Variants in KCNH5 observed in about 807,000 individuals in gnomAD.
The protein encoded by KCNH5 is voltage-gated delayed rectifier potassium channel KCNH5.
KCNH5 carries 46 observed loss-of-function variants against 96.1 expected under a neutral mutation model. The ratio of observed to expected loss-of-function variants is 0.48; its 90% CI spans 0.38 to 0.61. KCNH5 has a LOEUF of 0.61. KCNH5 is among the 20% of genes least tolerant of loss of function. The pLI is 0.00. For synonymous variants in KCNH5, 439 were observed against 449.8 expected, an observed-to-expected ratio of 0.98 and a Z score of 0.30; for missense variants, 907 against 1,225.8, an observed-to-expected ratio of 0.74 and a Z score of 3.88.
intron 10 of KCNH5, among the ~76,000 whole-genome samples, chr14:62,735,035 C>T (rs573304331): frequency 6.6e-6 from 1 of 152,088 alleles, no homozygotes; most frequent in African/African-American, 2.4e-5. Flanking sequence ...TTGGAGCAGG[C>T]AAGCCTAGAT....
chr14:63,005,709 T>G (rs1477224168), intron 3 of KCNH5, among the ~76,000 whole-genome samples: 2 of 152,216 alleles, frequency 1.3e-5, no homozygotes, highest in African/African-American at 4.8e-5. Context: ...TTTTGTCATG[T>G]TGGTTTTTTT....
chr14:63,019,479 G>A (rs1891386970), intron 1 of KCNH5, among the ~76,000 whole-genome samples: 1 of 152,044 alleles, frequency 6.6e-6, no homozygotes, highest in Non-Finnish European at 1.5e-5. Context: ...GTGTGGAAAT[G>A]GAGTAAGGAC....
chr14:62,831,641 T>G (rs1029838040), intron 8 of KCNH5, among the ~76,000 whole-genome samples: 2 of 152,208 alleles, frequency 1.3e-5, no homozygotes, highest in Admixed American at 1.3e-4. Context: ...TTTTGTATAT[T>G]TCAATATGTT....
At chr14:63,029,216 A>G (rs1045296436) in intron 1 of KCNH5, among the ~76,000 whole-genome samples, 2 of 152,138 alleles carry the variant, frequency 1.3e-5, no homozygotes, top group Admixed American at 6.6e-5. Flanking sequence ...ATCAAGTGGT[A>G]AACATTTCTA....
chr14:62,744,186 T>G (rs1319864655), intron 10 of KCNH5, among the ~76,000 whole-genome samples: 1 of 152,202 alleles, frequency 6.6e-6, no homozygotes, highest in African/African-American at 2.4e-5. Flanking sequence ...GTATTATATA[T>G]AAGAGAAAAA....
intron 7 of KCNH5, among the ~76,000 whole-genome samples, chr14:62,884,056 T>C (rs897742370): frequency 6.6e-6 from 1 of 152,202 alleles, no homozygotes; most frequent in Non-Finnish European, 1.5e-5. Context: ...GCCACAGCCC[T>C]TCTTGCCTCT....
At chr14:62,865,765 C>T (rs780561199) in intron 7 of KCNH5, among the ~76,000 whole-genome samples, 24 of 152,130 alleles carry the variant, frequency 1.6e-4, no homozygotes, top group Admixed American at 6.6e-4. Context: ...AACATATTTT[C>T]GAGGAATTGT....
At position 62,846,789 on chromosome 14, in the gene KCNH5, C is replaced by CTTTTTTTTTTTTTTTTTTTT. The variant is rs766919022; in HGVS notation, c.1569+2844_1569+2863dup. Among the ~76,000 whole-genome samples, 3 of 67,464 alleles carry CTTTTTTTTTTTTTTTTTTTT rather than the reference C, an allele frequency of 4.4e-5. 1 individual carries two copies. Among genetic ancestry groups the CTTTTTTTTTTTTTTTTTTTT allele is most frequent in the African/African-American group, 1.3e-4 (2 of 15,042 alleles). 44.3% of individuals were successfully genotyped at this position (67,464 alleles called of 152,430 possible). On this transcript the variant is annotated intron_variant, in intron 8 of 10. Transcript: ENST00000322893. ...ATTGTATTGTATTATTGTATTGTAT[C>CTTTTTTTTTTTTTTTTTTTT]TTTTTTTTTTTTTTTTTTTTTTTTT...
rs150035067 is a variant in KCNH5, at chr14:62,990,423, C to G, written c.434-3236G>C. ...AATTTACACATGAAGTCAGTGTGAT[C>G]AAGGAATATTTCATCTCTTTTCTTT... On this transcript the variant is annotated intron_variant, in intron 4 of 10. Coordinates refer to ENST00000322893, the MANE Select transcript of KCNH5 (RefSeq NM_139318.5). Among the ~76,000 whole-genome samples the G allele has an allele frequency of 5.2e-3, 792 of 152,050 alleles. 5 individuals are homozygous for G. Among genetic ancestry groups the G allele is most frequent in the Admixed American group, 8.0e-3 (122 of 15,242 alleles).
chr14:62,926,220 T>C (rs1431560857), intron 7 of KCNH5, among the ~76,000 whole-genome samples: 1 of 152,098 alleles, frequency 6.6e-6, no homozygotes, highest in Non-Finnish European at 1.5e-5. Context: ...GCTAAGATAT[T>C]TGATAAGCTA....
chr14:62,830,940 G>C (rs922518726), intron 8 of KCNH5, among the ~76,000 whole-genome samples: 1 of 151,734 alleles, frequency 6.6e-6, no homozygotes, highest in African/African-American at 2.4e-5. Flanking sequence ...TCCCTTCCTC[G>C]CTAAGCTTCC....
chr14:62,724,499 C>T (rs777418201), intron 10 of KCNH5, among the ~76,000 whole-genome samples: 1 of 152,214 alleles, frequency 6.6e-6, no homozygotes, highest in African/African-American at 2.4e-5. Context: ...AGATAACATA[C>T]TTGCCCCATT....
rs556226933 is a variant in KCNH5 at position 62,918,813 on chromosome 14, A to C, written c.1369+31320T>G. Among the ~76,000 whole-genome samples the C allele has an allele frequency of 9.2e-5, 14 of 152,252 alleles. 1 individual carries two copies. In the East Asian group the frequency reaches 2.5e-3, roughly 27 times the overall value. On this transcript the variant is annotated intron_variant, in intron 7 of 10. Transcript: ENST00000322893. ...CTTTCAGGTTTGACACTATATATCC[A>C]ATAAAAAAAATGCGTAACCTTTGTG...
At chr14:62,897,704 A>C (rs77859620) in intron 7 of KCNH5, among the ~76,000 whole-genome samples, 4,155 of 152,284 alleles carry the variant, frequency 0.027, 76 homozygotes, top group East Asian at 0.082. Context: ...GGAAGAACAC[A>C]GTTAGGTTAA....
At chr14:62,873,414 G>A (rs1888301691) in intron 7 of KCNH5, among the ~76,000 whole-genome samples, 1 of 152,070 alleles carries the variant, frequency 6.6e-6, no homozygotes, top group African/African-American at 2.4e-5. Context: ...ATTGTTTCAG[G>A]TATTAGGCAG....
Position 62,864,976 on chromosome 14 carries a change from C to G in KCNH5, c.1370-15124G>C, listed in dbSNP as rs553894261. Among the ~76,000 whole-genome samples the G allele has an allele frequency of 5.9e-5, 9 of 152,216 alleles. No homozygotes were observed. In the East Asian group the frequency reaches 1.7e-3, roughly 29 times the overall value. The stretch of plus-strand genomic sequence containing the variant: ...GCTAATACAGGCAGCAACAGAGGAG[C>G]CTATTTTAGCAAATCTAAAAACAGG... On this transcript the variant is annotated intron_variant, in intron 7 of 10. Coordinates refer to ENST00000322893, the MANE Select transcript of KCNH5 (RefSeq NM_139318.5).
rs148583453 is a variant in KCNH5, at chr14:62,993,699, C to T, written c.434-6512G>A. On this transcript the variant is annotated intron_variant, in intron 4 of 10. Coordinates refer to ENST00000322893, the MANE Select transcript of KCNH5 (RefSeq NM_139318.5). ...CTCCCACCAACTTGTACTGTATAAA[C>T]TTTGAAAAAGTTGAGCTGCCATACT... 2.1e-4 allele frequency among the ~76,000 whole-genome samples: 32 copies of T among 152,116 alleles called. No homozygotes were observed. The East Asian group carries it at 3.5e-3, about 17-fold the overall frequency.
At chr14:62,819,148 C>T (rs887598277) in intron 8 of KCNH5, among the ~76,000 whole-genome samples, 3 of 151,826 alleles carry the variant, frequency 2.0e-5, no homozygotes, top group Admixed American at 6.6e-5. Flanking sequence ...TTGTATTTTT[C>T]GTAGAGACAG....
intron 7 of KCNH5, among the ~76,000 whole-genome samples, chr14:62,922,340 C>A (rs762177489): frequency 6.6e-6 from 1 of 151,880 alleles, no homozygotes; most frequent in African/African-American, 2.4e-5. Flanking sequence ...TGTATGCAAA[C>A]ATAAATTTAC....
Sources: gnomAD v4.1 joint callset for allele counts (sites outside exome capture counted in the v4.1 genomes callset) on GRCh38, gnomAD v4.1.1 for gene constraint, MANE v1.5 for transcripts, NCBI Gene and HGNC (gene_info 2026-07-23, HGNC 2026-07-21) for gene names.